Variants in SLC9B1 observed in about 807,000 individuals in gnomAD.
SLC9B1 encodes the protein sodium/hydrogen exchanger 9B1.
Under a neutral mutation model 51.7 loss-of-function variants are expected in SLC9B1, and 32 were observed. The observed-to-expected ratio is 0.62, with a 90% confidence interval of 0.47 to 0.83. SLC9B1 has a LOEUF of 0.83. Ranked by LOEUF, SLC9B1 falls within the 40% of genes least tolerant of loss-of-function variation. The pLI is 0.00. For missense variants in SLC9B1, 406 were observed against 613.2 expected (o/e 0.66, Z 3.57); for synonymous variants, 145 against 212.7 (o/e 0.68, Z 2.77).
chr4:102,968,614 A>G (rs1738558883), intron 3 of SLC9B1, among the ~76,000 whole-genome samples: 1 of 152,242 alleles, frequency 6.6e-6, no homozygotes, highest in Non-Finnish European at 1.5e-5. Flanking sequence ...AGCACAACTG[A>G]CGTAGAAGAC....
intron 3 of SLC9B1, among the ~76,000 whole-genome samples, chr4:102,975,827 A>C (rs944824979): frequency 2.0e-5 from 3 of 151,774 alleles, no homozygotes; most frequent in African/African-American, 7.3e-5. Context: ...CTCAGCCCCC[A>C]AAGTGCTGGG....
rs866582510 is a variant in SLC9B1 at position 102,946,496 on chromosome 4, A to G, written c.525+151T>C. On this transcript the variant is annotated intron_variant, in intron 5 of 11. Transcript: ENST00000296422. ...CGGCTAATTTTTGTAGATTACAGGC[A>G]TGAGCCGCCATGCCCGGCCTTTTTT... is the stretch of plus-strand genomic sequence containing the variant. 29 of 772,116 alleles carry G rather than the reference A, an allele frequency of 3.8e-5. No homozygotes were observed. In the Middle Eastern group the frequency reaches 1.2e-3, roughly 32 times the overall value. The allele number at this position is 772,116 out of a possible 1,614,324, so 47.8% of individuals were successfully genotyped here.
At chr4:102,907,349 C>T (rs1735106327) in intron 9 of SLC9B1, among the ~76,000 whole-genome samples, 1 of 152,112 alleles carries the variant, frequency 6.6e-6, no homozygotes, top group Non-Finnish European at 1.5e-5. Flanking sequence ...AAGCCCTCCA[C>T]TAACAACCAT....
At chr4:102,969,834 T>G (rs1738652674) in intron 3 of SLC9B1, among the ~76,000 whole-genome samples, 1 of 152,124 alleles carries the variant, frequency 6.6e-6, no homozygotes, top group Non-Finnish European at 1.5e-5. Flanking sequence ...GAGAACTACA[T>G]GACGCATACA....
chr4:102,991,546 T>C, intron 2 of SLC9B1, 97 bp downstream of exon 2: 1 of 768,874 alleles, frequency 1.3e-6, no homozygotes, highest in Non-Finnish European at 1.9e-6. Flanking sequence ...TTTAACCAGA[T>C]ATATAAAAGA....
At chr4:102,935,414 C>T (rs892779108) in intron 6 of SLC9B1, among the ~76,000 whole-genome samples, 2 of 152,068 alleles carry the variant, frequency 1.3e-5, no homozygotes, top group Non-Finnish European at 2.9e-5. Context: ...ATTAAAGTGG[C>T]CATACCGAAG....
chr4:103,012,982 T>A (rs1445757296), intron 1 of SLC9B1, among the ~76,000 whole-genome samples: 1 of 152,210 alleles, frequency 6.6e-6, no homozygotes, highest in Non-Finnish European at 1.5e-5. Flanking sequence ...GAGATTAAGT[T>A]TCAGCATGAA....
chr4:102,933,333 A>G (rs1736557303), intron 6 of SLC9B1, among the ~76,000 whole-genome samples: 1 of 152,110 alleles, frequency 6.6e-6, no homozygotes, highest in Non-Finnish European at 1.5e-5. Context: ...TGGCTGTACA[A>G]CCTCTATGGT....
chr4:102,965,001 A>C (rs970438341), intron 3 of SLC9B1, among the ~76,000 whole-genome samples: 1 of 151,844 alleles, frequency 6.6e-6, no homozygotes, highest in African/African-American at 2.4e-5. Flanking sequence ...GAACACACCC[A>C]CACACACACA....
chr4:102,989,788 TG>T lies in SLC9B1; in HGVS notation c.211+11del, dbSNP rs770443827. The T allele has an allele frequency of 4.6e-6, 7 of 1,530,352 alleles. No homozygotes were observed. In the African/African-American group the frequency reaches 9.7e-5, roughly 21 times the overall value. 94.8% of individuals were successfully genotyped at this position (1,530,352 alleles called of 1,614,324 possible). The stretch of plus-strand genomic sequence containing the variant: ...TCATCTTCTCTTCATTTACATTTTT[TG>T]TTTCACATACCATTTGTAATAATTA... On this transcript the variant is annotated intron_variant, in intron 3 of 11. Transcript: ENST00000296422.
intron 1 of SLC9B1, among the ~76,000 whole-genome samples, chr4:103,003,682 G>T (rs1022568849): frequency 4.6e-5 from 7 of 151,986 alleles, no homozygotes; most frequent in African/African-American, 1.7e-4. Flanking sequence ...CTCCAATGGG[G>T]GTAATTCCCC....
downstream of SLC9B1, among the ~76,000 whole-genome samples, chr4:102,898,397 C>G (rs930232604): frequency 1.3e-5 from 2 of 152,142 alleles, no homozygotes; most frequent in African/African-American, 4.8e-5. Flanking sequence ...TCAGATCTAA[C>G]AAATGCAATG....
chr4:103,008,524 G>A (rs1170109923), intron 1 of SLC9B1, among the ~76,000 whole-genome samples: 1 of 150,884 alleles, frequency 6.6e-6, no homozygotes, highest in Non-Finnish European at 1.5e-5. Flanking sequence ...TGGGACTACC[G>A]ACGTGAGTCA....
chr4:102,977,983 G>C (rs764161893), intron 3 of SLC9B1, among the ~76,000 whole-genome samples: 3 of 151,918 alleles, frequency 2.0e-5, no homozygotes, highest in Non-Finnish European at 4.4e-5. Flanking sequence ...AACCATCCCT[G>C]GTGTGTGATG....
intron 3 of SLC9B1, among the ~76,000 whole-genome samples, chr4:102,979,197 T>C (rs1739227219): frequency 2.6e-5 from 4 of 152,208 alleles, no homozygotes; most frequent in African/African-American, 9.7e-5. Context: ...ATTTCCTATT[T>C]GCTCTTTGCC....
chr4:102,940,045 A>G (rs1404670788), intron 6 of SLC9B1, among the ~76,000 whole-genome samples: 1 of 152,214 alleles, frequency 6.6e-6, no homozygotes, highest in Non-Finnish European at 1.5e-5. Flanking sequence ...TCTAAATAGG[A>G]AGAATGGAAG....
chr4:102,890,657 G>T (rs919036397), intron 11 of SLC9B1: 1 of 151,786 alleles, frequency 6.6e-6, no homozygotes, highest in African/African-American at 2.4e-5. Context: ...CTTGGGCAAC[G>T]TGGTGAGATC....
At chr4:103,005,385 C>T (rs4699047) in intron 1 of SLC9B1, among the ~76,000 whole-genome samples, 82,486 of 151,778 alleles carry the variant, frequency 0.54, 22,940 homozygotes, top group African/African-American at 0.67. Context: ...GTAAAGGGTT[C>T]AGTTCAACAA....
Position 102,942,000 on chromosome 4 carries a change from G to C in SLC9B1, c.653+3193C>G, listed in dbSNP as rs144203056. ...CAATGTACACAAATCAGTAGCACTG[G>C]TATACACCGATGGTGACTGAGCTGA... On this transcript the variant is annotated intron_variant, in intron 6 of 11. Transcript: ENST00000296422. Among the ~76,000 whole-genome samples, 784 of 152,134 alleles carry C rather than the reference G, an allele frequency of 5.2e-3. 9 individuals are homozygous for C. Among genetic ancestry groups the C allele is most frequent in the African/African-American group, 0.018 (746 of 41,500 alleles).
Sources: allele counts gnomAD v4.1 joint callset (sites outside exome capture counted in the v4.1 genomes callset), GRCh38; gene constraint gnomAD v4.1.1; transcripts MANE v1.5; gene names NCBI Gene and HGNC (gene_info 2026-07-23, HGNC 2026-07-21).